HPSE2: variants seen among roughly 807,000 people sequenced by gnomAD.
HPSE2 encodes the protein heparanase 2 (inactive).
Under a neutral mutation model 60.5 loss-of-function variants are expected in HPSE2, and 38 were observed. That is an observed-to-expected ratio of 0.63 (90% CI 0.48 to 0.82). The LOEUF is 0.82. HPSE2 is among the 40% of genes least tolerant of loss of function. The pLI is 0.00. For synonymous variants in HPSE2, 295 were observed against 293.2 expected, an observed-to-expected ratio of 1.01 and a Z score of -0.06; for missense variants, 713 against 740.4, an observed-to-expected ratio of 0.96 and a Z score of 0.43.
intron 3 of HPSE2, among the ~76,000 whole-genome samples, chr10:98,768,374 A>T (rs1421396378): frequency 2.0e-5 from 3 of 152,192 alleles, no homozygotes; most frequent in African/African-American, 7.2e-5. Context: ...GAAAGCGGGC[A>T]GGAGACTCTT....
intron 3 of HPSE2, among the ~76,000 whole-genome samples, chr10:98,960,528 A>T (rs912545477): frequency 6.6e-6 from 1 of 152,002 alleles, no homozygotes; most frequent in African/African-American, 2.4e-5. Context: ...AGAATGAGTA[A>T]ATGTGGGAGA....
intron 3 of HPSE2, among the ~76,000 whole-genome samples, chr10:99,091,489 T>C (rs1843511564): frequency 6.6e-6 from 1 of 152,186 alleles, no homozygotes; most frequent in African/African-American, 2.4e-5. Context: ...TAACAAAGTT[T>C]TTTTAAAAGC....
chr10:99,273,549 T>C, the HPSE2 span, among the ~76,000 whole-genome samples: 7 of 152,194 alleles, frequency 4.6e-5, no homozygotes, highest in African/African-American at 9.7e-5. Context: ...CTGAGAAAAT[T>C]GGGTTCTAAA....
chr10:98,856,540 T>C (rs1952319713), intron 3 of HPSE2, among the ~76,000 whole-genome samples: 1 of 152,100 alleles, frequency 6.6e-6, no homozygotes, highest in Admixed American at 6.6e-5. Flanking sequence ...ATAGTAGATT[T>C]ATTAGGGACC....
chr10:98,718,224 C>T (rs1948838210), intron 5 of HPSE2, among the ~76,000 whole-genome samples: 1 of 152,052 alleles, frequency 6.6e-6, no homozygotes, highest in East Asian at 1.9e-4. Flanking sequence ...TAAGAATAGC[C>T]AGTTCCCAAA....
At chr10:99,153,852 G>GA (rs1239789771) in intron 2 of HPSE2, among the ~76,000 whole-genome samples, 5 of 151,354 alleles carry the variant, frequency 3.3e-5, no homozygotes, top group Middle Eastern at 3.4e-3. Context: ...TGAAAACTTT[G>GA]AAAAAAATTT....
At chr10:98,471,554 A>G (rs1940781581) in intron 11 of HPSE2, among the ~76,000 whole-genome samples, 1 of 152,132 alleles carries the variant, frequency 6.6e-6, no homozygotes, top group Non-Finnish European at 1.5e-5. Context: ...TTTTTAACCT[A>G]AAAGGAAGAT....
rs1391446759 is a variant in HPSE2, at chr10:98,716,468, T to TA, written c.956+5188dup. On this transcript the variant is annotated intron_variant, in intron 5 of 11. Transcript: ENST00000370552. Reference sequence around the variant, plus strand: ...AAATAAATAAATAAATAAATAAATTTAAAAAAATAATGCTATTTCAACCTT... The same window carrying TA: ...AAATAAATAAATAAATAAATAAATTTAAAAAAAATAATGCTATTTCAACCTT... Among the ~76,000 whole-genome samples, 20 of 79,180 alleles carry TA rather than the reference T, an allele frequency of 2.5e-4. No homozygotes were observed. In the East Asian group the frequency reaches 5.6e-3, roughly 22 times the overall value. The allele number at this position is 79,180 out of a possible 152,430, so 51.9% of individuals were successfully genotyped here.
chr10:98,708,316 C>T (rs753097301), intron 5 of HPSE2, among the ~76,000 whole-genome samples: 5 of 151,768 alleles, frequency 3.3e-5, no homozygotes, highest in African/African-American at 7.3e-5. Flanking sequence ...ATTAGCTGGG[C>T]GTGGTGGTGG....
intron 3 of HPSE2, among the ~76,000 whole-genome samples, chr10:98,983,698 G>A (rs146407903): frequency 0.013 from 2,047 of 152,270 alleles, 37 homozygotes; most frequent in African/African-American, 0.046. Flanking sequence ...GCAAGGCATC[G>A]CCTCACCCGG....
At chr10:99,087,647 C>T (rs1344833191) in intron 3 of HPSE2, among the ~76,000 whole-genome samples, 1 of 152,112 alleles carries the variant, frequency 6.6e-6, no homozygotes, top group Non-Finnish European at 1.5e-5. Flanking sequence ...TTGACCTAAG[C>T]AAAGAATGAG....
chr10:98,708,128 C>A (rs1401285455), intron 5 of HPSE2, among the ~76,000 whole-genome samples: 1 of 151,996 alleles, frequency 6.6e-6, no homozygotes, highest in Non-Finnish European at 1.5e-5. Context: ...TATAAGAAAT[C>A]AAAATATTAA....
chr10:99,073,239 T>C (rs1056207782), intron 3 of HPSE2, among the ~76,000 whole-genome samples: 6 of 152,266 alleles, frequency 3.9e-5, no homozygotes, highest in African/African-American at 1.4e-4. Flanking sequence ...TGCCCATCAA[T>C]GATAGACTGG....
At chr10:98,481,960 C>T (rs1268984238) in intron 11 of HPSE2, among the ~76,000 whole-genome samples, 1 of 152,098 alleles carries the variant, frequency 6.6e-6, no homozygotes, top group East Asian at 1.9e-4. Context: ...TGTCAAGTCT[C>T]TAATAGAGAC....
chr10:99,044,955 T>G (rs888445257), intron 3 of HPSE2, among the ~76,000 whole-genome samples: 2 of 152,030 alleles, frequency 1.3e-5, no homozygotes, highest in East Asian at 3.9e-4. Context: ...ATTAGACAGA[T>G]CAAGGCAGAA....
At chr10:98,966,962 C>T (rs978468190) in intron 3 of HPSE2, among the ~76,000 whole-genome samples, 2 of 152,140 alleles carry the variant, frequency 1.3e-5, no homozygotes. Flanking sequence ...TCATGTGGGG[C>T]TCTTCCGGGC....
At chr10:98,537,059 A>G (rs1407856808) in intron 9 of HPSE2, among the ~76,000 whole-genome samples, 1 of 152,218 alleles carries the variant, frequency 6.6e-6, no homozygotes, top group East Asian at 1.9e-4. Context: ...CAGTGTAGAA[A>G]ATGGATTGAA....
intron 9 of HPSE2, among the ~76,000 whole-genome samples, chr10:98,506,926 C>G (rs1348399070): frequency 6.6e-6 from 1 of 152,116 alleles, no homozygotes; most frequent in Admixed American, 6.5e-5. Context: ...TACTCCCATC[C>G]CCAATTCAAG....
chr10:98,878,317 G>T (rs1358151736), intron 3 of HPSE2, among the ~76,000 whole-genome samples: 1 of 151,962 alleles, frequency 6.6e-6, no homozygotes, highest in East Asian at 1.9e-4. Flanking sequence ...AGGAAATGAT[G>T]TTTATGCTGA....
Sources: allele counts gnomAD v4.1 joint callset (sites outside exome capture counted in the v4.1 genomes callset), GRCh38; gene constraint gnomAD v4.1.1; transcripts MANE v1.5; gene names NCBI Gene and HGNC (gene_info 2026-07-23, HGNC 2026-07-21).